The following FILIP1L variants were observed in gnomAD, a reference collection of about 807,000 sequenced individuals.
FILIP1L encodes filamin A interacting protein 1 like.
A neutral mutation model predicts 96.6 loss-of-function variants in FILIP1L; 55 were observed. The observed-to-expected ratio is 0.57, with a 90% CI of 0.46 to 0.71. The LOEUF (loss-of-function observed/expected upper bound fraction) is 0.71, where lower values mean the gene tolerates loss of function less well. Among genes scored for constraint, FILIP1L ranks in the 30% least tolerant of loss-of-function variants. The pLI, the probability that FILIP1L is intolerant of heterozygous loss-of-function variation, is 0.00. For synonymous variants in FILIP1L, 467 were observed against 473.9 expected (o/e 0.99, Z 0.19); for missense variants, 1,304 against 1,321.2 (o/e 0.99, Z 0.20).
Position 99,848,441 on chromosome 3 carries a change from TCA to T in FILIP1L, c.3233_3234del (p.Val1078GlufsTer12), listed in dbSNP as rs761097817. 6.2e-6 allele frequency: 10 copies of T among 1,614,188 alleles called. No individual in the cohort carries two copies. The highest frequency in any genetic ancestry group is 3.3e-4 in the Middle Eastern group (2 of 6,062). ...AGTGGTGCTGAAGGGCTGGCAGGTC[TCA>T]CAGGGCTGGCTACAGCTTGCATGTA... is the stretch of plus-strand genomic sequence containing the variant. The part of the protein sequence containing the change: ...SPYMQAVASP[V>X]RPASPSAPLQ... On this transcript the variant is annotated frameshift_variant, in exon 5 of 6. Transcript: ENST00000477258. LOFTEE classifies it high-confidence loss of function.
chr3:99,924,475 G>A (rs977604117), intron 3 of FILIP1L, 67 bp from the exon 4 acceptor site: 1 of 1,443,140 alleles, frequency 6.9e-7, no homozygotes, highest in Non-Finnish European at 9.6e-7. Context: ...CACTCTTTTA[G>A]AAATGTCCCT....
intron 4 of FILIP1L, among the ~76,000 whole-genome samples, chr3:99,923,489 C>T (rs1299816009): frequency 6.6e-6 from 1 of 152,132 alleles, no homozygotes; most frequent in Non-Finnish European, 1.5e-5. Context: ...CTCAGTAACT[C>T]CTTGTTTTCC....
intron 1 of FILIP1L, among the ~76,000 whole-genome samples, chr3:100,042,458 G>A (rs577194476): frequency 2.0e-5 from 3 of 152,206 alleles, no homozygotes; most frequent in African/African-American, 7.2e-5. Context: ...TGTGATTCAC[G>A]GTGCTACAAG....
chr3:100,086,041 G>T (rs889800627), intron 1 of FILIP1L, among the ~76,000 whole-genome samples: 2 of 152,184 alleles, frequency 1.3e-5, no homozygotes, highest in Admixed American at 1.3e-4. Context: ...AATAAAATAT[G>T]ATTCGTGTTA....
intron 1 of FILIP1L, among the ~76,000 whole-genome samples, chr3:100,009,122 C>T (rs552644868): frequency 6.6e-6 from 1 of 152,070 alleles, no homozygotes; most frequent in Non-Finnish European, 1.5e-5. Flanking sequence ...AGAATATTCC[C>T]GAATGAGAAT....
chr3:99,986,858 A>G (rs1709356474), intron 1 of FILIP1L, among the ~76,000 whole-genome samples: 1 of 152,168 alleles, frequency 6.6e-6, no homozygotes, highest in African/African-American at 2.4e-5. Flanking sequence ...AGTTATTCAG[A>G]CCAAAATGTC....
chr3:100,005,988 G>A (rs890577467), intron 1 of FILIP1L, among the ~76,000 whole-genome samples: 1 of 152,162 alleles, frequency 6.6e-6, no homozygotes, highest in Non-Finnish European at 1.5e-5. Context: ...AACCAGAATG[G>A]AGAATGGTAG....
At chr3:100,001,800 A>G (rs2107167144) in intron 1 of FILIP1L, among the ~76,000 whole-genome samples, 1 of 152,284 alleles carries the variant, frequency 6.6e-6, no homozygotes, top group South Asian at 2.1e-4. Flanking sequence ...CTCATAAATC[A>G]TTTGGCTGAA....
intron 1 of FILIP1L, among the ~76,000 whole-genome samples, chr3:100,098,624 A>T (rs2066253695): frequency 6.6e-6 from 1 of 152,204 alleles, no homozygotes; most frequent in African/African-American, 2.4e-5. Context: ...TTTTGTGCAT[A>T]TATTTCTTCC....
At chr3:99,938,478 T>C (rs1224055074) in intron 1 of FILIP1L, among the ~76,000 whole-genome samples, 1 of 152,094 alleles carries the variant, frequency 6.6e-6, no homozygotes, top group Non-Finnish European at 1.5e-5. Context: ...AAGCTGGGAG[T>C]GATCCAAGGC....
chr3:99,907,525 A>G lies in FILIP1L; in HGVS notation c.605+16705T>C, dbSNP rs548028065. On this transcript the variant is annotated intron_variant, in intron 4 of 5. Transcript: ENST00000477258. ...GCCTCCCAAAGTGCTGGGATTACAG[A>G]CGTGAGCCAACGCACCTGGCGTACC... Among the ~76,000 whole-genome samples, 21 of 152,164 alleles carry G rather than the reference A, an allele frequency of 1.4e-4. No individual in the cohort carries two copies. The South Asian group carries it at 4.4e-3, about 32-fold the overall frequency.
intron 4 of FILIP1L, among the ~76,000 whole-genome samples, chr3:99,893,377 G>C (rs904582109): frequency 1.5e-4 from 23 of 152,182 alleles, no homozygotes; most frequent in Admixed American, 1.2e-3. Flanking sequence ...GTATTAGCCA[G>C]AATGGTCTCG....
intron 1 of FILIP1L, among the ~76,000 whole-genome samples, chr3:100,018,083 CT>C (rs1710397125): frequency 6.6e-6 from 1 of 152,172 alleles, no homozygotes. Flanking sequence ...AATCTCAGCA[CT>C]TTGGGAGGCC....
intron 1 of FILIP1L, among the ~76,000 whole-genome samples, chr3:99,979,031 G>T (rs1416065561): frequency 5.3e-5 from 8 of 152,110 alleles, no homozygotes; most frequent in Non-Finnish European, 1.0e-4. Flanking sequence ...TGGCACTGTA[G>T]GGCGACTAGA....
intron 1 of FILIP1L, chr3:100,039,756 C>CTT (rs559735123): frequency 5.0e-5 from 7 of 141,402 alleles, no homozygotes; most frequent in East Asian, 2.0e-4. Flanking sequence ...CGACTTTCTT[C>CTT]TTTTTTTTTT....
At chr3:99,950,727 C>G (rs569591488) in intron 1 of FILIP1L, among the ~76,000 whole-genome samples, 1 of 152,272 alleles carries the variant, frequency 6.6e-6, no homozygotes, top group Middle Eastern at 3.4e-3. Flanking sequence ...TCAGAAAAAG[C>G]TGTGTGTTAA....
intron 1 of FILIP1L, among the ~76,000 whole-genome samples, chr3:99,984,704 T>C (rs1709279430): frequency 6.6e-6 from 1 of 152,158 alleles, no homozygotes; most frequent in African/African-American, 2.4e-5. Flanking sequence ...GAGGGAATCC[T>C]AGCATGTAGG....
At chr3:99,872,322 T>TGTGTGTGA (rs1491147270) in intron 4 of FILIP1L, among the ~76,000 whole-genome samples, 6 of 141,234 alleles carry the variant, frequency 4.2e-5, no homozygotes, top group Admixed American at 1.4e-4. Context: ...TGTGTGTGTG[T>TGTGTGTGA]GACTGTGGGG....
intron 1 of FILIP1L, among the ~76,000 whole-genome samples, chr3:100,074,994 T>C (rs1239699794): frequency 6.6e-6 from 1 of 152,122 alleles, no homozygotes; most frequent in African/African-American, 2.4e-5. Context: ...ATGCCCGGCC[T>C]GATTTTCTTT....
Sources: allele counts gnomAD v4.1 joint callset (sites outside exome capture counted in the v4.1 genomes callset), GRCh38; gene constraint gnomAD v4.1.1; transcripts MANE v1.5; gene names NCBI Gene and HGNC (gene_info 2026-07-23, HGNC 2026-07-21).